The following TSC22D1 variants were observed in gnomAD, a reference collection of about 807,000 sequenced individuals.
TSC22D1 encodes TSC22 domain family protein 1.
In TSC22D1, 9 loss-of-function variants were observed where a neutral mutation model predicts 74.2. The observed-to-expected ratio is 0.12, with a 90% confidence interval of 0.07 to 0.21. TSC22D1 has a LOEUF of 0.21. TSC22D1 is among the 10% of genes least tolerant of loss of function. The probability of loss-of-function intolerance (pLI) is 1.00; values close to 1 mark genes in which losing one functional copy is unlikely to be tolerated. For synonymous variants in TSC22D1, 586 were observed against 492.5 expected (o/e 1.19, Z -2.51); for missense variants, 1,427 against 1,304.7 (o/e 1.09, Z -1.44).
chr13:44,562,243 G>A lies in TSC22D1; in HGVS notation c.2912+10920C>T, dbSNP rs144588936. On this transcript the variant is annotated intron_variant, in intron 1 of 2. Coordinates refer to ENST00000458659, the MANE Select transcript of TSC22D1 (RefSeq NM_183422.4). Reference sequence around the variant, plus strand: ...TTTTTTTGTAGAGATAGGGTACCATGTTGCCCAGACTGGTCTCAAACTCCT... The same window carrying A: ...TTTTTTTGTAGAGATAGGGTACCATATTGCCCAGACTGGTCTCAAACTCCT... Among the ~76,000 whole-genome samples, 202 of 152,168 alleles carry A rather than the reference G, an allele frequency of 1.3e-3. 1 individual carries two copies. The highest frequency in any genetic ancestry group is 4.6e-3 in the African/African-American group (192 of 41,528).
chr13:44,573,015 T>C (rs748680520), intron 1 of TSC22D1, 148 bp downstream of exon 1: 1 of 1,106,580 alleles, frequency 9.0e-7, no homozygotes, highest in Non-Finnish European at 1.3e-6. Flanking sequence ...CCATAACTCT[T>C]GCTCTATAAA....
At chr13:44,437,258 C>T (rs1036962364) in intron 1 of TSC22D1, 2 of 985,514 alleles carry the variant, frequency 2.0e-6, no homozygotes, top group South Asian at 9.4e-5. Flanking sequence ...TAACCCGAAC[C>T]GTCTGAGCTA....
chr13:44,461,850 C>A (rs1312725866), intron 1 of TSC22D1, among the ~76,000 whole-genome samples: 1 of 152,116 alleles, frequency 6.6e-6, no homozygotes, highest in Non-Finnish European at 1.5e-5. Context: ...CTAGTGCAAA[C>A]CAGCGAAATA....
chr13:44,443,494 C>T (rs1301984471), intron 1 of TSC22D1, among the ~76,000 whole-genome samples: 2 of 152,030 alleles, frequency 1.3e-5, no homozygotes, highest in Admixed American at 1.3e-4. Context: ...GTGAAGAGCA[C>T]CAGAAATGAT....
chr13:44,525,042 C>CAAAA (rs1880482845), intron 1 of TSC22D1, among the ~76,000 whole-genome samples: 1 of 152,184 alleles, frequency 6.6e-6, no homozygotes, highest in African/African-American at 2.4e-5. Context: ...GCGGGTATAT[C>CAAAA]AAAGCCTGAC....
chr13:44,555,259 T>C (rs1882556198), intron 1 of TSC22D1, among the ~76,000 whole-genome samples: 1 of 152,094 alleles, frequency 6.6e-6, no homozygotes, highest in South Asian at 2.1e-4. Flanking sequence ...CTTAGGCCCT[T>C]GTGAATTTTT....
intron 1 of TSC22D1, among the ~76,000 whole-genome samples, chr13:44,495,176 AG>A (rs1386835847): frequency 1.3e-5 from 2 of 152,146 alleles, no homozygotes; most frequent in African/African-American, 4.8e-5. Context: ...TAGACAGAAA[AG>A]GAAAGAATTA....
At chr13:44,455,722 A>AT (rs1876544243) in intron 1 of TSC22D1, among the ~76,000 whole-genome samples, 1 of 152,196 alleles carries the variant, frequency 6.6e-6, no homozygotes, top group Non-Finnish European at 1.5e-5. Context: ...TTAATCGCAT[A>AT]GGGAATCTAT....
At chr13:44,470,668 G>A (rs539000125) in intron 1 of TSC22D1, among the ~76,000 whole-genome samples, 93 of 152,218 alleles carry the variant, frequency 6.1e-4, no homozygotes, top group African/African-American at 2.1e-3. Context: ...CAAATACCCT[G>A]TGTCACAAAA....
rs10627677 is a variant in TSC22D1, at chr13:44,517,857, A to ATATATTT, written c.2912+55305_2912+55306insAAATATA. Among the ~76,000 whole-genome samples the ATATATTT allele has an allele frequency of 9.9e-4, 16 of 16,174 alleles. 2 individuals are homozygous for ATATATTT. The highest frequency in any genetic ancestry group is 1.3e-3 in the Non-Finnish European group (9 of 7,182). 10.6% of individuals were successfully genotyped at this position (16,174 alleles called of 152,430 possible). A position where few individuals can be genotyped will look rare whatever the true frequency, so the allele number is the denominator to read the frequency against. The stretch of plus-strand genomic sequence containing the variant: ...TATATATATATATATATATATATAT[A>ATATATTT]TTTTTTTTTTTTTTTTTTTTTTAAC... On this transcript the variant is annotated intron_variant, in intron 1 of 2. Transcript: ENST00000458659.
intron 1 of TSC22D1, chr13:44,436,684 G>A: frequency 1.3e-6 from 2 of 1,555,426 alleles, no homozygotes. Context: ...CAGCAGCCTT[G>A]TATAAGCTAG....
intron 1 of TSC22D1, among the ~76,000 whole-genome samples, chr13:44,529,944 T>G (rs900016963): frequency 1.3e-5 from 2 of 152,076 alleles, no homozygotes; most frequent in Non-Finnish European, 2.9e-5. Context: ...AATGGAGAGA[T>G]ATTCCATGTT....
intron 1 of TSC22D1, among the ~76,000 whole-genome samples, chr13:44,480,290 G>A (rs551640236): frequency 6.6e-6 from 1 of 151,968 alleles, no homozygotes; most frequent in Non-Finnish European, 1.5e-5. Context: ...TTTTCTTATG[G>A]TTTTGGCATT....
chr13:44,509,950 CAAAAAAAAAAAAAAAAAAAAAGCTAA>C (rs1489630248), intron 1 of TSC22D1, among the ~76,000 whole-genome samples: 1 of 51,432 alleles, frequency 1.9e-5, no homozygotes, highest in African/African-American at 7.5e-5. Context: ...AGAAAATAAG[CAAAAAAAAAAAAAAAAAAAAAGCTAA>C]AAAAAAAAAA....
rs1454891035 is a variant in TSC22D1 at position 44,527,741 on chromosome 13, C to T, written c.2912+45422G>A. 3.3e-5 allele frequency among the ~76,000 whole-genome samples: 5 copies of T among 152,114 alleles called. No individual in the cohort carries two copies. In the East Asian group the frequency reaches 5.8e-4, roughly 18 times the overall value. ...CAGCTTAAATACACCAATTAAAACA[C>T]AGAGACTTTCAAAGTGGATTTAAAA... On this transcript the variant is annotated intron_variant, in intron 1 of 2. Coordinates refer to ENST00000458659, the MANE Select transcript of TSC22D1 (RefSeq NM_183422.4).
chr13:44,448,786 A>C (rs1420058916), intron 1 of TSC22D1, among the ~76,000 whole-genome samples: 29 of 152,188 alleles, frequency 1.9e-4, no homozygotes, highest in Non-Finnish European at 1.2e-4. Flanking sequence ...CAAAGGCATT[A>C]GGTGCTTTGT....
At chr13:44,455,729 C>T (rs9533856) in intron 1 of TSC22D1, among the ~76,000 whole-genome samples, 15,102 of 152,130 alleles carry the variant, frequency 0.099, 782 homozygotes, top group Non-Finnish European at 0.11. Flanking sequence ...CATAGGGAAT[C>T]TATTACAGAG....
At chr13:44,477,760 G>A (rs1184046420) in intron 1 of TSC22D1, among the ~76,000 whole-genome samples, 9 of 150,380 alleles carry the variant, frequency 6.0e-5, no homozygotes, top group African/African-American at 1.7e-4. Context: ...CTCCTGCCTC[G>A]GCCTCCTGAG....
chr13:44,486,985 G>A (rs1878456631), intron 1 of TSC22D1, among the ~76,000 whole-genome samples: 2 of 151,770 alleles, frequency 1.3e-5, no homozygotes. Context: ...CTTACAATAA[G>A]GTAGAGGATT....
Sources: allele counts gnomAD v4.1 joint callset (sites outside exome capture counted in the v4.1 genomes callset), GRCh38; gene constraint gnomAD v4.1.1; transcripts MANE v1.5; gene names NCBI Gene and HGNC (gene_info 2026-07-23, HGNC 2026-07-21).